GRIN2B: variants seen among roughly 807,000 people sequenced by gnomAD.
GRIN2B encodes glutamate receptor ionotropic, NMDA 2B.
GRIN2B carries 5 observed loss-of-function variants against 114.5 expected under a neutral mutation model. That is an observed-to-expected ratio of 0.04 (90% CI 0.02 to 0.09). The LOEUF (loss-of-function observed/expected upper bound fraction) is 0.09. GRIN2B is among the 10% of genes least tolerant of loss of function. The probability of loss-of-function intolerance (pLI) is 1.00; values close to 1 mark genes in which losing one functional copy is unlikely to be tolerated. For synonymous variants in GRIN2B, 787 were observed against 745.1 expected, an observed-to-expected ratio of 1.06 and a Z score of -0.92; for missense variants, 1,108 against 1,943.5, an observed-to-expected ratio of 0.57 and a Z score of 8.08.
In GRIN2B at chr12:13,557,569, G is replaced by T. The variant is rs1948490792; in HGVS notation, c.*5214C>A. The T allele has an allele frequency of 1.3e-5, 2 of 152,134 alleles. No individual in the cohort carries two copies. 9.4% of individuals were successfully genotyped at this position (152,134 alleles called of 1,614,324 possible). ...TGGAAAGAATCATAGTTCTCAACCT[G>T]CCCTACAAGATACTGAATTTAGAAA... On this transcript the variant is annotated 3_prime_UTR_variant, in exon 14 of 14. Transcript: ENST00000609686.
chr12:13,797,699 C>G (rs1235818038), intron 3 of GRIN2B, among the ~76,000 whole-genome samples: 2 of 152,200 alleles, frequency 1.3e-5, no homozygotes, highest in African/African-American at 4.8e-5. Flanking sequence ...GTTTCATGAT[C>G]TATGAGGTGG....
intron 2 of GRIN2B, among the ~76,000 whole-genome samples, chr12:13,914,642 T>G (rs981119651): frequency 5.9e-5 from 9 of 152,196 alleles, no homozygotes; most frequent in Non-Finnish European, 1.3e-4. Flanking sequence ...GTAGCATGAT[T>G]CACAATAGTC....
At chr12:13,649,875 AAC>A (rs1949798256) in intron 5 of GRIN2B, among the ~76,000 whole-genome samples, 1 of 152,112 alleles carries the variant, frequency 6.6e-6, no homozygotes, top group African/African-American at 2.4e-5. Flanking sequence ...TTCTAGCGCT[AAC>A]AGTTTAACAT....
chr12:13,926,011 G>A (rs144871386), intron 2 of GRIN2B, among the ~76,000 whole-genome samples: 1 of 152,250 alleles, frequency 6.6e-6, no homozygotes, highest in Non-Finnish European at 1.5e-5. Flanking sequence ...CTGACAATCA[G>A]AGGAGGCAAT....
In GRIN2B at chr12:13,898,859, C is replaced by T. The variant is rs574962238; in HGVS notation, c.-18-32633G>A. Among the ~76,000 whole-genome samples the T allele has an allele frequency of 2.2e-4, 34 of 152,294 alleles. No individual in the cohort carries two copies. The East Asian group carries it at 3.9e-3, about 17-fold the overall frequency. On this transcript the variant is annotated intron_variant, in intron 2 of 13. Coordinates refer to ENST00000609686, the MANE Select transcript of GRIN2B (RefSeq NM_000834.5). ...CCAGGAGGCGGAGGTTGCAGTGAGC[C>T]GAGATTGTGCCATTGCACTCCGTGG...
chr12:13,694,664 T>C lies in GRIN2B; in HGVS notation c.1011-18805A>G, dbSNP rs1342751038. ...ATTGTGCAAGAAAATGTCATATATA[T>C]ATATATATATATATATATATATATA... On this transcript the variant is annotated intron_variant, in intron 4 of 13. Coordinates refer to ENST00000609686, the MANE Select transcript of GRIN2B (RefSeq NM_000834.5). Among the ~76,000 whole-genome samples the C allele has an allele frequency of 5.6e-3, 307 of 55,054 alleles. 11 individuals carry two copies. The highest frequency in any genetic ancestry group is 0.014 in the East Asian group (26 of 1,910). 36.1% of individuals were successfully genotyped at this position (55,054 alleles called of 152,430 possible).
chr12:13,698,005 C>G (rs2136565199), intron 4 of GRIN2B, among the ~76,000 whole-genome samples: 1 of 152,312 alleles, frequency 6.6e-6, no homozygotes, highest in Admixed American at 6.5e-5. Context: ...GGTAGCATTT[C>G]TTAAATGAGA....
intron 5 of GRIN2B, among the ~76,000 whole-genome samples, chr12:13,667,063 T>C (rs557065330): frequency 2.0e-5 from 3 of 152,136 alleles, no homozygotes; most frequent in Non-Finnish European, 4.4e-5. Context: ...GAAACAGCGC[T>C]GGAAAGGGTC....
chr12:13,952,608 C>A (rs1337770479), intron 2 of GRIN2B, among the ~76,000 whole-genome samples: 5 of 152,100 alleles, frequency 3.3e-5, no homozygotes, highest in Non-Finnish European at 1.5e-5. Flanking sequence ...CTTTCTTTTT[C>A]ATAGATTGTT....
At chr12:13,976,498 G>A (rs985458175) in intron 2 of GRIN2B, among the ~76,000 whole-genome samples, 2 of 152,140 alleles carry the variant, frequency 1.3e-5, no homozygotes, top group East Asian at 1.9e-4. Flanking sequence ...TGGTTTTGTC[G>A]GCCCCAGTCT....
intron 2 of GRIN2B, among the ~76,000 whole-genome samples, chr12:13,931,947 T>G (rs1867041999): frequency 6.6e-6 from 1 of 152,278 alleles, no homozygotes; most frequent in East Asian, 1.9e-4. Context: ...CTCTCTCCCT[T>G]ACAAACTATT....
At chr12:13,585,303 C>T (rs1365006228) in intron 10 of GRIN2B, among the ~76,000 whole-genome samples, 1 of 152,118 alleles carries the variant, frequency 6.6e-6, no homozygotes, top group African/African-American at 2.4e-5. Context: ...AGTGAGGATC[C>T]AGTGACAGGC....
rs535163287 is a variant in GRIN2B at position 13,715,197 on chromosome 12, G to T, written c.1010+38120C>A. Among the ~76,000 whole-genome samples the T allele has an allele frequency of 8.6e-5, 13 of 151,820 alleles. No homozygotes were observed. In the South Asian group the frequency reaches 2.7e-3, roughly 32 times the overall value. On this transcript the variant is annotated intron_variant, in intron 4 of 13. Coordinates refer to ENST00000609686, the MANE Select transcript of GRIN2B (RefSeq NM_000834.5). ...TGACCTGACAGGGTGAATTATTCTGGGAATAATTATTATGTATGTATTCCT... is the reference window on the plus strand; with the variant it reads ...TGACCTGACAGGGTGAATTATTCTGTGAATAATTATTATGTATGTATTCCT...
At chr12:13,874,977 C>T (rs750141464) in intron 2 of GRIN2B, among the ~76,000 whole-genome samples, 2 of 152,082 alleles carry the variant, frequency 1.3e-5, no homozygotes, top group Non-Finnish European at 1.5e-5. Flanking sequence ...TATAGGTAAA[C>T]GTCTGCCATA....
chr12:13,576,068 G>A (rs1448573484), intron 10 of GRIN2B, among the ~76,000 whole-genome samples: 1 of 152,152 alleles, frequency 6.6e-6, no homozygotes, highest in Non-Finnish European at 1.5e-5. Context: ...AGAGAACATT[G>A]CCTCAGAATT....
At chr12:13,934,996 G>A (rs531161688) in intron 2 of GRIN2B, among the ~76,000 whole-genome samples, 9 of 152,278 alleles carry the variant, frequency 5.9e-5, no homozygotes, top group African/African-American at 2.2e-4. Context: ...CACCTGAATG[G>A]ATAAGATGCT....
At chr12:13,786,907 C>G (rs11055616) in intron 3 of GRIN2B, among the ~76,000 whole-genome samples, 1 of 151,428 alleles carries the variant, frequency 6.6e-6, no homozygotes, top group Non-Finnish European at 1.5e-5. Context: ...CTAGTCCTCC[C>G]GGTTTGAGAC....
chr12:13,723,480 T>TAAA (rs33929265), intron 4 of GRIN2B, among the ~76,000 whole-genome samples: 4 of 143,332 alleles, frequency 2.8e-5, no homozygotes, highest in African/African-American at 1.0e-4. Context: ...TAGAATTACT[T>TAAA]AAAAAAAAAA....
intron 3 of GRIN2B, among the ~76,000 whole-genome samples, chr12:13,865,070 C>T (rs1865805725): frequency 6.6e-6 from 1 of 152,178 alleles, no homozygotes. Context: ...TTCCCTATGA[C>T]ATTTGTATCT....
Sources: gnomAD v4.1 joint callset for allele counts (sites outside exome capture counted in the v4.1 genomes callset) on GRCh38, gnomAD v4.1.1 for gene constraint, MANE v1.5 for transcripts, NCBI Gene and HGNC (gene_info 2026-07-23, HGNC 2026-07-21) for gene names.